Variants in MTA3 observed in about 807,000 individuals in gnomAD.
MTA3 encodes metastasis-associated protein MTA3.
In MTA3, 34 loss-of-function variants were observed where a neutral mutation model predicts 83.5. That is an observed-to-expected ratio of 0.41 (90% CI 0.31 to 0.54). The LOEUF is 0.54. Among genes scored for constraint, MTA3 ranks in the 20% least tolerant of loss-of-function variants. The probability of loss-of-function intolerance (pLI) is 0.33; values close to 1 mark genes in which losing one functional copy is unlikely to be tolerated. For missense variants in MTA3, 761 were observed against 726.4 expected, an observed-to-expected ratio of 1.05 and a Z score of -0.55; for synonymous variants, 303 against 252.7, an observed-to-expected ratio of 1.20 and a Z score of -1.89.
At chr2:42,650,712 A>G (rs924753573) in intron 6 of MTA3, among the ~76,000 whole-genome samples, 1 of 152,156 alleles carries the variant, frequency 6.6e-6, no homozygotes, top group African/African-American at 2.4e-5. Flanking sequence ...TACAGGCATG[A>G]GCCACCGCAC....
chr2:42,729,291 C>A lies in MTA3; in HGVS notation c.1759+6256C>A, dbSNP rs1318163008. Among the ~76,000 whole-genome samples the A allele has an allele frequency of 3.3e-5, 5 of 151,354 alleles. No individual in the cohort carries two copies. In the South Asian group the frequency reaches 1.0e-3, roughly 32 times the overall value. On this transcript the variant is annotated intron_variant, in intron 16 of 16. Transcript: ENST00000405094. The stretch of plus-strand genomic sequence containing the variant: ...TTTTGTATTTTTTTTTTAGTAGAGA[C>A]GGGGTTTCACCGTGTTAGCCAGGAT...
At chr2:42,588,755 G>T (rs559168113) in intron 3 of MTA3, among the ~76,000 whole-genome samples, 1 of 152,094 alleles carries the variant, frequency 6.6e-6, no homozygotes, top group South Asian at 2.1e-4. Context: ...TTATGTATGT[G>T]TATAAATATA....
chr2:42,642,217 A>G (rs935770397), intron 5 of MTA3, among the ~76,000 whole-genome samples: 9 of 152,168 alleles, frequency 5.9e-5, no homozygotes, highest in African/African-American at 2.2e-4. Flanking sequence ...AGGACATAGA[A>G]ATCTAAGGAT....
chr2:42,756,054 C>G lies in MTA3; in HGVS notation c.*2655C>G. On this transcript the variant is annotated 3_prime_UTR_variant, in exon 17 of 17. Coordinates refer to ENST00000405094, the MANE Select transcript of MTA3 (RefSeq NM_001330442.2). ...TGGATTTCAAGTGGGGGTTTTCATC[C>G]AGAGATTTGTTTAACACAAAACAAG... 1.0e-6 allele frequency: 1 copy of G among 975,356 alleles called. No individual in the cohort carries two copies. Among genetic ancestry groups the G allele is most frequent in the Non-Finnish European group, 1.2e-6 (1 of 820,778 alleles). 60.4% of individuals were successfully genotyped at this position (975,356 alleles called of 1,614,324 possible). A position where few individuals can be genotyped will look rare whatever the true frequency, so the allele number is the denominator to read the frequency against.
chr2:42,512,613 A>C (rs1674956118), intron 2 of MTA3, among the ~76,000 whole-genome samples: 1 of 152,208 alleles, frequency 6.6e-6, no homozygotes, highest in Admixed American at 6.6e-5. Flanking sequence ...AACAAATGTC[A>C]GCGTAAATCT....
upstream of MTA3, among the ~76,000 whole-genome samples, chr2:42,564,317 G>T (rs1366879272): frequency 2.6e-5 from 4 of 152,190 alleles, no homozygotes. Flanking sequence ...GAGGGCATGA[G>T]GGAACTATGG....
chr2:42,682,271 A>C, intron 8 of MTA3, 130 bp from the exon 9 acceptor site: 1 of 656,142 alleles, frequency 1.5e-6, no homozygotes, highest in Non-Finnish European at 2.4e-6. Flanking sequence ...TAATCTGTTT[A>C]AAATTTTGTT....
intron 4 of MTA3, among the ~76,000 whole-genome samples, chr2:42,616,881 A>T (rs930540509): frequency 6.6e-6 from 1 of 152,110 alleles, no homozygotes; most frequent in African/African-American, 2.4e-5. Context: ...CATCGTGCCT[A>T]GCTGAGTAAT....
At chr2:42,538,077 C>CA (rs1190118718) in intron 2 of MTA3, among the ~76,000 whole-genome samples, 1 of 151,596 alleles carries the variant, frequency 6.6e-6, no homozygotes, top group Non-Finnish European at 1.5e-5. Flanking sequence ...CTAAAAAATA[C>CA]AAAAAATCAG....
chr2:42,628,008 C>G (rs1010406941), intron 4 of MTA3, among the ~76,000 whole-genome samples: 8 of 151,872 alleles, frequency 5.3e-5, no homozygotes, highest in Admixed American at 5.3e-4. Flanking sequence ...CCTCAGCCTC[C>G]TAAGTAGGTG....
At chr2:42,600,213 A>AAACAC (rs1682392182) in intron 3 of MTA3, among the ~76,000 whole-genome samples, 3 of 152,084 alleles carry the variant, frequency 2.0e-5, no homozygotes, top group Admixed American at 2.0e-4. Context: ...AAACAAAACA[A>AAACAC]AACAAAAAAA....
intron 8 of MTA3, among the ~76,000 whole-genome samples, chr2:42,667,586 G>GTGTGTGTGTT (rs1558562266): frequency 5.4e-5 from 7 of 130,048 alleles, no homozygotes; most frequent in East Asian, 2.1e-4. Flanking sequence ...GTGTGTGTGT[G>GTGTGTGTGTT]TGTGTGTGTG....
chr2:42,534,484 C>A (rs986504949), intron 2 of MTA3, among the ~76,000 whole-genome samples: 1 of 151,948 alleles, frequency 6.6e-6, no homozygotes, highest in African/African-American at 2.4e-5. Flanking sequence ...GTAGTTCCAG[C>A]TATTCGGGAG....
chr2:42,604,737 G>A (rs1215461781), intron 3 of MTA3, among the ~76,000 whole-genome samples: 2 of 145,132 alleles, frequency 1.4e-5, no homozygotes, highest in South Asian at 4.7e-4. Context: ...GCGGCCTTCC[G>A]CAGTGTTTGT....
chr2:42,539,492 T>A (rs1676423617), intron 2 of MTA3, among the ~76,000 whole-genome samples: 1 of 150,704 alleles, frequency 6.6e-6, no homozygotes, highest in Admixed American at 6.6e-5. Context: ...ACCAGGTCCC[T>A]CTCACCACAT....
chr2:42,685,259 A>G (rs1020896196), intron 9 of MTA3, among the ~76,000 whole-genome samples: 2 of 152,214 alleles, frequency 1.3e-5, no homozygotes, highest in Admixed American at 6.5e-5. Flanking sequence ...GTCTAACAAA[A>G]TTACAGATTT....
intron 15 of MTA3, among the ~76,000 whole-genome samples, chr2:42,721,836 C>T (rs957134394): frequency 3.9e-5 from 6 of 152,004 alleles, no homozygotes; most frequent in African/African-American, 1.4e-4. Context: ...CTAGATGGAG[C>T]ATAGACTGTG....
intron 2 of MTA3, among the ~76,000 whole-genome samples, chr2:42,546,438 T>G (rs909991115): frequency 6.6e-6 from 1 of 152,138 alleles, no homozygotes; most frequent in Non-Finnish European, 1.5e-5. Flanking sequence ...CAGTAAAATG[T>G]GTATAATCAA....
At chr2:42,668,270 T>G (rs965171421) in intron 8 of MTA3, among the ~76,000 whole-genome samples, 1 of 152,216 alleles carries the variant, frequency 6.6e-6, no homozygotes, top group Non-Finnish European at 1.5e-5. Context: ...CTGCTCAGGT[T>G]GGCTGGAAGA....
Sources: allele counts gnomAD v4.1 joint callset (sites outside exome capture counted in the v4.1 genomes callset), GRCh38; gene constraint gnomAD v4.1.1; transcripts MANE v1.5; gene names NCBI Gene and HGNC (gene_info 2026-07-23, HGNC 2026-07-21).